CYSLTR2: variants seen among roughly 807,000 people sequenced by gnomAD.
CYSLTR2 encodes cysteinyl leukotriene receptor 2.
For synonymous variants in CYSLTR2, 179 were observed against 160.8 expected, an observed-to-expected ratio of 1.11 and a Z score of -0.86; for missense variants, 398 against 411.9, an observed-to-expected ratio of 0.97 and a Z score of 0.29.
intron 1 of CYSLTR2, among the ~76,000 whole-genome samples, chr13:48,667,129 C>T (rs1008562555): frequency 2.0e-5 from 3 of 152,130 alleles, no homozygotes; most frequent in African/African-American, 7.2e-5. Context: ...TCTACGTAGA[C>T]ATTTTAGTGT....
intron 1 of CYSLTR2, among the ~76,000 whole-genome samples, chr13:48,666,055 G>A (rs2138830431): frequency 1.3e-5 from 2 of 152,138 alleles, no homozygotes; most frequent in Non-Finnish European, 2.9e-5. Context: ...TTCCAGATAT[G>A]ACTCCTTTGA....
intron 1 of CYSLTR2, among the ~76,000 whole-genome samples, chr13:48,666,701 T>G (rs1459126777): frequency 6.6e-6 from 1 of 152,154 alleles, no homozygotes; most frequent in Non-Finnish European, 1.5e-5. Flanking sequence ...TATTATATTT[T>G]TATTTCATTC....
intron 3 of CYSLTR2, 30 bp downstream of exon 3, chr13:48,693,540 AAGAG>A (rs1266305548): frequency 6.6e-6 from 1 of 152,036 alleles, no homozygotes; most frequent in Non-Finnish European, 1.5e-5. Flanking sequence ...GACAGGGGAA[AAGAG>A]AGAAAGAGAG....
At chr13:48,674,191 C>T (rs1953531965) in intron 1 of CYSLTR2, among the ~76,000 whole-genome samples, 1 of 152,150 alleles carries the variant, frequency 6.6e-6, no homozygotes, top group Non-Finnish European at 1.5e-5. Flanking sequence ...TAGGGAAGTT[C>T]TCTTGGATAA....
At chr13:48,672,224 A>C (rs2138855807) in intron 1 of CYSLTR2, among the ~76,000 whole-genome samples, 1 of 152,122 alleles carries the variant, frequency 6.6e-6, no homozygotes, top group African/African-American at 2.4e-5. Flanking sequence ...TAATCTTTTC[A>C]AAAACGCAGC....
chr13:48,663,727 A>C (rs1953187832), intron 1 of CYSLTR2, among the ~76,000 whole-genome samples: 1 of 151,986 alleles, frequency 6.6e-6, no homozygotes, highest in African/African-American at 2.4e-5. Context: ...ATTAGTTCTA[A>C]GAGTTTTTGG....
At chr13:48,678,289 A>G (rs1337739492) in intron 1 of CYSLTR2, among the ~76,000 whole-genome samples, 1 of 152,004 alleles carries the variant, frequency 6.6e-6, no homozygotes, top group Non-Finnish European at 1.5e-5. Flanking sequence ...AATTACAGGC[A>G]TGACCACCGG....
chr13:48,671,306 A>G (rs971224839), intron 1 of CYSLTR2, among the ~76,000 whole-genome samples: 3 of 152,178 alleles, frequency 2.0e-5, no homozygotes, highest in Admixed American at 6.5e-5. Flanking sequence ...AGAATTTCCA[A>G]TACTATGTTG....
chr13:48,688,641 T>G (rs1331957597), intron 1 of CYSLTR2, among the ~76,000 whole-genome samples: 1 of 152,242 alleles, frequency 6.6e-6, no homozygotes, highest in Non-Finnish European at 1.5e-5. Flanking sequence ...CCACATTTTC[T>G]TTATCTAGTC....
chr13:48,707,912 C>A lies in CYSLTR2; in HGVS notation c.*54C>A. On this transcript the variant is annotated 3_prime_UTR_variant, in exon 5 of 5. Transcript: ENST00000682523. Reference sequence around the variant, plus strand: ...ATCCTTGTGTCCATCTTCATTCACTCATAGTCTCCAAATGACTTTGTATTT... The same window carrying A: ...ATCCTTGTGTCCATCTTCATTCACTAATAGTCTCCAAATGACTTTGTATTT... 7.3e-7 allele frequency: 1 copy of A among 1,376,550 alleles called. No homozygotes were observed. Among genetic ancestry groups the A allele is most frequent in the South Asian group, 1.7e-5 (1 of 58,994 alleles). The allele number at this position is 1,376,550 out of a possible 1,614,324, so 85.3% of individuals were successfully genotyped here. A position where few individuals can be genotyped will look rare whatever the true frequency, so the allele number is the denominator to read the frequency against.
rs547102067 is a variant in CYSLTR2 at position 48,667,532 on chromosome 13, G to T, written c.-266+13515G>T. Among the ~76,000 whole-genome samples the T allele has an allele frequency of 2.7e-3, 414 of 152,288 alleles. 1 individual carries two copies. The highest frequency in any genetic ancestry group is 5.1e-3 in the Non-Finnish European group (347 of 68,024). On this transcript the variant is annotated intron_variant, in intron 1 of 4. Transcript: ENST00000682523. ...CTGGCTCAGAACGTCTGCTTGGCTT[G>T]CCTGGGGACATGCCTTCCAGGGGTG...
At position 48,708,241 on chromosome 13, in the gene CYSLTR2, C is replaced by T. The variant is rs1271185010; in HGVS notation, c.*383C>T. ...TCCAGCTCCCCTGTCCTCTTCAATCCCTTGAGATATAGCCAACTAACGACG... is the reference window on the plus strand; with the variant it reads ...TCCAGCTCCCCTGTCCTCTTCAATCTCTTGAGATATAGCCAACTAACGACG... On this transcript the variant is annotated 3_prime_UTR_variant, in exon 5 of 5. Transcript: ENST00000682523. 5.7e-6 allele frequency: 1 copy of T among 176,372 alleles called. No individual in the cohort carries two copies. The highest frequency in any genetic ancestry group is 1.3e-5 in the Non-Finnish European group (1 of 74,482). The allele number at this position is 176,372 out of a possible 1,614,324, so 10.9% of individuals were successfully genotyped here.
chr13:48,668,103 A>G (rs1417479553), intron 1 of CYSLTR2, among the ~76,000 whole-genome samples: 1 of 152,144 alleles, frequency 6.6e-6, no homozygotes, highest in Non-Finnish European at 1.5e-5. Context: ...TCAGTAGAAG[A>G]CTGTCCATTC....
At chr13:48,658,369 C>A (rs139458395) in intron 1 of CYSLTR2, among the ~76,000 whole-genome samples, 5 of 152,162 alleles carry the variant, frequency 3.3e-5, no homozygotes, top group Non-Finnish European at 7.3e-5. Context: ...CATGTGAGTT[C>A]TTTCCCGCCC....
chr13:48,682,765 G>A (rs7336022), intron 1 of CYSLTR2, among the ~76,000 whole-genome samples: 56,509 of 151,974 alleles, frequency 0.37, 11,579 homozygotes, highest in South Asian at 0.49. Context: ...TACATGTGCA[G>A]GTTTGTTATA....
chr13:48,685,646 A>C (rs1269692434), intron 1 of CYSLTR2, among the ~76,000 whole-genome samples: 1 of 152,176 alleles, frequency 6.6e-6, no homozygotes, highest in African/African-American at 2.4e-5. Flanking sequence ...CCCTGACTGC[A>C]AACTCTTGAA....
Position 48,708,783 on chromosome 13 carries a change from A to G in CYSLTR2, c.*925A>G, listed in dbSNP as rs1204329958. 1 of 167,002 alleles carries G rather than the reference A, an allele frequency of 6.0e-6. No individual in the cohort carries two copies. Among genetic ancestry groups the G allele is most frequent in the Non-Finnish European group, 1.5e-5 (1 of 68,110 alleles). 10.3% of individuals were successfully genotyped at this position (167,002 alleles called of 1,614,324 possible). On this transcript the variant is annotated 3_prime_UTR_variant, in exon 5 of 5. Coordinates refer to ENST00000682523, the MANE Select transcript of CYSLTR2 (RefSeq NM_001308476.3). ...GAGGGCAAATAGCAAAAGTTGTTGC[A>G]CTCCTGAAATTCTATTAACATTTCC...
At chr13:48,701,961 C>T (rs144507391) in intron 4 of CYSLTR2, among the ~76,000 whole-genome samples, 2,225 of 152,132 alleles carry the variant, frequency 0.015, 63 homozygotes, top group African/African-American at 0.05. Context: ...CACATGCACA[C>T]GTATGTTTAT....
At position 48,706,897 on chromosome 13, in the gene CYSLTR2, A is replaced by G. The variant is rs1954503527; in HGVS notation, c.80A>G (p.Asn27Ser). Reference sequence around the variant, plus strand: ...CCAAATGGCACCTTCAGCAATAACAACAGCAGGAACTGCACAATTGAAAAC... The same window carrying G: ...CCAAATGGCACCTTCAGCAATAACAGCAGCAGGAACTGCACAATTGAAAAC... ...MEPNGTFSNN[N>S]SRNCTIENFK... The change falls in exon 5 of 5, where the codon AAC becomes AGC. Residue 27 changes from asparagine to serine, a missense_variant. Physicochemically the swap from Asn to Ser is conservative, Grantham distance 46. Coordinates refer to ENST00000682523, the MANE Select transcript of CYSLTR2 (RefSeq NM_001308476.3). 3 of 1,614,216 alleles carry G rather than the reference A, an allele frequency of 1.9e-6. No homozygotes were observed. Among genetic ancestry groups the G allele is most frequent in the South Asian group, 1.1e-5 (1 of 91,086 alleles).
Sources: allele counts gnomAD v4.1 joint callset (sites outside exome capture counted in the v4.1 genomes callset), GRCh38; gene constraint gnomAD v4.1.1; transcripts MANE v1.5; gene names NCBI Gene and HGNC (gene_info 2026-07-23, HGNC 2026-07-21).